The following CAMK2D variants were observed in gnomAD, a reference collection of about 807,000 sequenced individuals.
CAMK2D encodes the protein calcium/calmodulin-dependent protein kinase type II subunit delta.
CAMK2D carries 37 observed loss-of-function variants against 84.0 expected under a neutral mutation model. The observed-to-expected ratio is 0.44, with a 90% confidence interval of 0.34 to 0.58. The LOEUF (loss-of-function observed/expected upper bound fraction) is 0.58, where lower values mean the gene tolerates loss of function less well. Ranked by LOEUF, CAMK2D falls within the 20% of genes least tolerant of loss-of-function variation. CAMK2D has a pLI of 0.02. For missense variants in CAMK2D, 448 were observed against 652.5 expected (o/e 0.69, Z 3.41); for synonymous variants, 202 against 212.5 (o/e 0.95, Z 0.43).
intron 16 of CAMK2D, among the ~76,000 whole-genome samples, chr4:113,480,126 A>G (rs1470681668): frequency 6.6e-6 from 1 of 151,860 alleles, no homozygotes; most frequent in Non-Finnish European, 1.5e-5. Context: ...CACACCGGCT[A>G]ATTTCTTTTG....
intron 6 of CAMK2D, 54 bp downstream of exon 6, chr4:113,547,590 G>T (rs1405494371): frequency 8.6e-6 from 10 of 1,163,976 alleles, no homozygotes; most frequent in South Asian, 1.4e-5. Flanking sequence ...AATTGCAGCT[G>T]AACAGTCATT....
At chr4:113,738,904 T>G (rs2099587011) in intron 2 of CAMK2D, among the ~76,000 whole-genome samples, 1 of 152,074 alleles carries the variant, frequency 6.6e-6, no homozygotes, top group East Asian at 1.9e-4. Flanking sequence ...ACATCAAATT[T>G]TAAATATATA....
chr4:113,705,199 C>A (rs745788283), intron 2 of CAMK2D, among the ~76,000 whole-genome samples: 1 of 150,500 alleles, frequency 6.6e-6, no homozygotes. Flanking sequence ...TGGAGGCAGG[C>A]GCCTGTAGTC....
At chr4:113,507,558 C>T (rs55754224) in intron 13 of CAMK2D, among the ~76,000 whole-genome samples, 32,959 of 151,856 alleles carry the variant, frequency 0.22, 3,678 homozygotes, top group Non-Finnish European at 0.26. Flanking sequence ...TGTGAGACAC[C>T]GCTCCTGGCC....
chr4:113,664,644 T>C (rs2107172), intron 2 of CAMK2D, among the ~76,000 whole-genome samples: 76,269 of 151,946 alleles, frequency 0.5, 20,179 homozygotes, highest in African/African-American at 0.66. Context: ...GGGCAGGTCA[T>C]TATCTTATTT....
At chr4:113,552,548 TA>T (rs2098636494) in intron 4 of CAMK2D, among the ~76,000 whole-genome samples, 2 of 152,164 alleles carry the variant, frequency 1.3e-5, no homozygotes, top group Non-Finnish European at 2.9e-5. Context: ...AACACACACA[TA>T]AAAATAGATG....
chr4:113,577,796 G>A (rs61555264), intron 4 of CAMK2D, among the ~76,000 whole-genome samples: 20,072 of 150,108 alleles, frequency 0.13, 1,748 homozygotes, highest in East Asian at 0.33. Context: ...ATAATTATTT[G>A]CATAAATGTT....
intron 16 of CAMK2D, among the ~76,000 whole-genome samples, chr4:113,486,630 CATGTTT>C (rs1401405436): frequency 6.6e-6 from 1 of 152,156 alleles, no homozygotes; most frequent in Non-Finnish European, 1.5e-5. Context: ...GAATCCTTGG[CATGTTT>C]ATGTTTTTCT....
intron 19 of CAMK2D, 47 bp downstream of exon 19, chr4:113,457,288 G>A (rs778167038): frequency 2.5e-6 from 4 of 1,608,240 alleles, no homozygotes; most frequent in Admixed American, 3.4e-5. Context: ...AGAAGGAGCT[G>A]ACCATGGGTG....
chr4:113,650,095 A>G (rs911935153), intron 3 of CAMK2D, among the ~76,000 whole-genome samples: 1 of 152,126 alleles, frequency 6.6e-6, no homozygotes, highest in African/African-American at 2.4e-5. Flanking sequence ...CAAACAAAGA[A>G]ATAGGAGACA....
chr4:113,514,495 TCA>T (rs2098260539), intron 10 of CAMK2D, among the ~76,000 whole-genome samples: 2 of 152,334 alleles, frequency 1.3e-5, no homozygotes, highest in Admixed American at 1.3e-4. Flanking sequence ...ATGTCTTCAA[TCA>T]CATTTTGATT....
At chr4:113,665,827 A>G (rs1592712666) in intron 2 of CAMK2D, among the ~76,000 whole-genome samples, 4 of 152,318 alleles carry the variant, frequency 2.6e-5, no homozygotes, top group Admixed American at 2.6e-4. Context: ...ATGGTTGAAG[A>G]CCTGCCATAT....
chr4:113,668,177 T>C (rs890306018), intron 2 of CAMK2D, among the ~76,000 whole-genome samples: 4 of 152,172 alleles, frequency 2.6e-5, no homozygotes, highest in African/African-American at 9.7e-5. Flanking sequence ...TTTACCTTCA[T>C]TCTGCAGTTT....
At chr4:113,526,545 T>C (rs73841653) in intron 8 of CAMK2D, among the ~76,000 whole-genome samples, 3,333 of 152,248 alleles carry the variant, frequency 0.022, 108 homozygotes, top group African/African-American at 0.068. Flanking sequence ...AACTACTCTC[T>C]ACCTATCCTT....
chr4:113,464,906 C>G (rs2154111609), intron 17 of CAMK2D, among the ~76,000 whole-genome samples: 1 of 152,328 alleles, frequency 6.6e-6, no homozygotes, highest in East Asian at 1.9e-4. Context: ...ATGAATTGCT[C>G]TGCCTGGACT....
rs562178171 is a variant in CAMK2D, at chr4:113,760,571, C to T, written c.65+433G>A. Among the ~76,000 whole-genome samples the T allele has an allele frequency of 1.1e-4, 17 of 152,266 alleles. No individual in the cohort carries two copies. The South Asian group carries it at 1.5e-3, about 13-fold the overall frequency. On this transcript the variant is annotated intron_variant, in intron 1 of 20. Coordinates refer to ENST00000511664, the MANE Select transcript of CAMK2D (RefSeq NM_001321571.2). ...AGTTCTCATCAGTACCTGGGTCATACGGCCGACACGCCGGCTAACCAGGAG... is the reference window on the plus strand; with the variant it reads ...AGTTCTCATCAGTACCTGGGTCATATGGCCGACACGCCGGCTAACCAGGAG...
At chr4:113,549,028 A>G (rs113086472) in intron 5 of CAMK2D, among the ~76,000 whole-genome samples, 1,571 of 152,308 alleles carry the variant, frequency 0.01, 37 homozygotes, top group African/African-American at 0.036. Context: ...AAATCTCCAT[A>G]TTTAGAAAGA....
chr4:113,675,492 C>A (rs969045601), intron 2 of CAMK2D, among the ~76,000 whole-genome samples: 1 of 152,134 alleles, frequency 6.6e-6, no homozygotes. Flanking sequence ...AAGATCCTTT[C>A]CAGACAAGAT....
intron 17 of CAMK2D, among the ~76,000 whole-genome samples, chr4:113,463,860 C>T (rs1478672030): frequency 6.6e-6 from 1 of 152,068 alleles, no homozygotes; most frequent in Non-Finnish European, 1.5e-5. Context: ...TCCAATTTTT[C>T]ACTATTATGA....
Sources: gnomAD v4.1 joint callset for allele counts (sites outside exome capture counted in the v4.1 genomes callset) on GRCh38, gnomAD v4.1.1 for gene constraint, MANE v1.5 for transcripts, NCBI Gene and HGNC (gene_info 2026-07-23, HGNC 2026-07-21) for gene names.